BEGAIN: variants seen among roughly 807,000 people sequenced by gnomAD.
The protein encoded by BEGAIN is brain enriched guanylate kinase associated, also known as brain-enriched guanylate kinase-associated protein.
In BEGAIN, 19 loss-of-function variants were observed where a neutral mutation model predicts 35.8. That is an observed-to-expected ratio of 0.53 (90% CI 0.37 to 0.78). The LOEUF is 0.78. Ranked by LOEUF, BEGAIN falls within the 30% of genes least tolerant of loss-of-function variation. BEGAIN has a pLI of 0.00. For synonymous variants in BEGAIN, 462 were observed against 388.6 expected, an observed-to-expected ratio of 1.19 and a Z score of -2.22; for missense variants, 795 against 853.6, an observed-to-expected ratio of 0.93 and a Z score of 0.85.
chr14:100,549,612 T>G (rs1270474795), intron 2 of BEGAIN: 3 of 152,314 alleles, frequency 2.0e-5, no homozygotes, highest in Non-Finnish European at 4.4e-5. Flanking sequence ...ACCCGAGCCC[T>G]GCCACGGCAG....
intron 1 of BEGAIN, among the ~76,000 whole-genome samples, chr14:100,579,813 C>T (rs1320768375): frequency 6.6e-6 from 1 of 152,192 alleles, no homozygotes; most frequent in Non-Finnish European, 1.5e-5. Flanking sequence ...TTCCCTGTCC[C>T]CGCCCCTGGC....
chr14:100,578,856 C>CT (rs529546763), intron 1 of BEGAIN, among the ~76,000 whole-genome samples: 5,194 of 126,956 alleles, frequency 0.041, 426 homozygotes, highest in African/African-American at 0.14. Flanking sequence ...GCCTCTGGTA[C>CT]TTTTTTTTTT....
At chr14:100,540,806 C>T (rs1041094656) in intron 5 of BEGAIN, among the ~76,000 whole-genome samples, 2 of 152,208 alleles carry the variant, frequency 1.3e-5, no homozygotes, top group South Asian at 4.1e-4. Flanking sequence ...AGGGCCCTGC[C>T]GCTGCCCTAG....
intron 1 of BEGAIN, among the ~76,000 whole-genome samples, chr14:100,582,084 G>A (rs117950145): frequency 0.021 from 3,170 of 152,308 alleles, 51 homozygotes; most frequent in African/African-American, 0.026. Context: ...GCAGAGGTGT[G>A]GTCACCTTCA....
chr14:100,584,579 ATCATTCAT>A (rs968465411), intron 1 of BEGAIN, among the ~76,000 whole-genome samples: 2 of 152,184 alleles, frequency 1.3e-5, no homozygotes, highest in African/African-American at 4.8e-5. Context: ...TTAGTCATTC[ATCATTCAT>A]TCATTCATTC....
rs974109781 is a variant in BEGAIN at position 100,573,102 on chromosome 14, A to C, written c.43-5163T>G. Among the ~76,000 whole-genome samples, 19 of 151,556 alleles carry C rather than the reference A, an allele frequency of 1.3e-4. No homozygotes were observed. Among genetic ancestry groups the C allele is most frequent in the Non-Finnish European group, 2.8e-4 (19 of 67,908 alleles). On this transcript the variant is annotated intron_variant, in intron 1 of 6. Transcript: ENST00000554140. The surrounding 1 kb of genome is among the most constrained non-coding windows in gnomAD (Gnocchi z 4.2). The stretch of plus-strand genomic sequence containing the variant: ...GCAGGAAAGGGGTGCAGTGATGAAC[A>C]CAGAGGCCCGGATGAAGTGAGCTGA...
chr14:100,542,141 C>T (rs1273877223), intron 5 of BEGAIN, among the ~76,000 whole-genome samples: 1 of 152,090 alleles, frequency 6.6e-6, no homozygotes, highest in Non-Finnish European at 1.5e-5. Context: ...CTCCTGTCCT[C>T]CTGTTAGAGC....
intron 1 of BEGAIN, among the ~76,000 whole-genome samples, chr14:100,583,028 G>A (rs766142078): frequency 5.4e-5 from 8 of 149,326 alleles, no homozygotes; most frequent in Non-Finnish European, 4.4e-5. Flanking sequence ...CCCTGTGACC[G>A]CTCACCCATT....
At chr14:100,575,054 C>T (rs1484962108) in intron 1 of BEGAIN, among the ~76,000 whole-genome samples, 1 of 152,178 alleles carries the variant, frequency 6.6e-6, no homozygotes, top group Non-Finnish European at 1.5e-5. Flanking sequence ...AAGAGGAGGA[C>T]CAGAGACTCA....
chr14:100,555,025 A>G (rs2033572765), intron 2 of BEGAIN, among the ~76,000 whole-genome samples: 2 of 152,226 alleles, frequency 1.3e-5, no homozygotes, highest in Non-Finnish European at 2.9e-5. Context: ...CAGTGAATTG[A>G]TATCAGCCCT....
At position 100,538,298 on chromosome 14, in the gene BEGAIN, C is replaced by T. The variant is rs1370224638; in HGVS notation, c.1510G>A (p.Gly504Ser). 6.5e-7 allele frequency: 1 copy of T among 1,546,706 alleles called. No individual in the cohort carries two copies. Among genetic ancestry groups the T allele is most frequent in the Admixed American group, 2.0e-5 (1 of 51,018 alleles). ...AGGAAGCAGGGCTCTGCCAGGTGGC[C>T]CTGGGAGAGGTCGTCCCCCTCGGAG... is the stretch of plus-strand genomic sequence containing the variant. ...SFSEGDDLSQ[G>S]HLAEPCFLRA... Residue 504 changes from glycine (G) to serine (S), a missense_variant, in exon 7 of 7, where the codon GGC becomes AGC. Around this residue, in one of 3 missense-constraint regions of BEGAIN, gnomAD observed 664 missense variants for 647.7 expected, o/e 1.03. Coordinates refer to ENST00000554140, the MANE Select transcript of BEGAIN (RefSeq NM_001385089.1).
chr14:100,543,973 TG>T lies in BEGAIN; in HGVS notation c.301-9del. On this transcript the variant is annotated splice_polypyrimidine_tract_variant and intron_variant, in intron 4 of 6. Coordinates refer to ENST00000554140, the MANE Select transcript of BEGAIN (RefSeq NM_001385089.1). ...CTCCTCATAGTGCTGGCCCTGGGGGTGGGACAGTGGGAGGAGGAGGCCCGTG... is the reference window on the plus strand; with the variant it reads ...CTCCTCATAGTGCTGGCCCTGGGGGTGGACAGTGGGAGGAGGAGGCCCGTG... The T allele has an allele frequency of 6.3e-7, 1 of 1,598,542 alleles. No individual in the cohort carries two copies.
intron 1 of BEGAIN, among the ~76,000 whole-genome samples, chr14:100,584,058 A>G (rs1344733998): frequency 6.6e-6 from 1 of 152,022 alleles, no homozygotes; most frequent in Non-Finnish European, 1.5e-5. Context: ...CTTCCCTTCC[A>G]TACAGTATCA....
chr14:100,544,867 G>A (rs996648296), intron 4 of BEGAIN, 133 bp downstream of exon 4: 1 of 915,256 alleles, frequency 1.1e-6, no homozygotes, highest in Admixed American at 1.8e-5. Context: ...TGCTCCACAT[G>A]TTCCATGGAG....
At chr14:100,551,045 G>C (rs1362296042) in intron 2 of BEGAIN, among the ~76,000 whole-genome samples, 1 of 152,204 alleles carries the variant, frequency 6.6e-6, no homozygotes, top group East Asian at 1.9e-4. Flanking sequence ...GGTTCCTGGC[G>C]TGCAGGATTG....
intron 5 of BEGAIN, among the ~76,000 whole-genome samples, chr14:100,542,958 A>G (rs563603861): frequency 2.6e-5 from 4 of 152,262 alleles, no homozygotes; most frequent in East Asian, 1.9e-4. Flanking sequence ...ATTGCCTCCT[A>G]TGGTCTTTCT....
rs2031044222 is a variant in BEGAIN, at chr14:100,538,778, T to C, written c.1030A>G (p.Ile344Val). The change falls in exon 7 of 7, where the codon ATC becomes GTC. Residue 344 changes from isoleucine to valine, a missense_variant. Ile to Val is a conservative substitution (Grantham distance 29). Transcript: ENST00000554140. ...ASTLTASQQA[I>V]YLNSRDELFD... is the part of the protein sequence containing the mutation. ...AGCTCGTCGCGGCTGTTCAGGTAGATGGCCTGCTGCGACGCGGTCAGCGTG... is the reference window on the plus strand; with the variant it reads ...AGCTCGTCGCGGCTGTTCAGGTAGACGGCCTGCTGCGACGCGGTCAGCGTG... 6.3e-7 allele frequency: 1 copy of C among 1,591,892 alleles called. No homozygotes were observed. Among genetic ancestry groups the C allele is most frequent in the Non-Finnish European group, 8.5e-7 (1 of 1,170,840 alleles).
intron 6 of BEGAIN, among the ~76,000 whole-genome samples, chr14:100,539,780 G>C (rs73351095): frequency 0.046 from 7,022 of 152,200 alleles, 552 homozygotes; most frequent in African/African-American, 0.16. Flanking sequence ...CTGCTGGAGC[G>C]CTCCTGAAGA....
At position 100,568,322 on chromosome 14, in the gene BEGAIN, C is replaced by CG; in HGVS notation, c.43-384dup. On this transcript the variant is annotated intron_variant, in intron 1 of 6. Transcript: ENST00000554140. This position sits in a 1 kb window ranked among gnomAD's most constrained non-coding sequence, Gnocchi z 7.5. The stretch of plus-strand genomic sequence containing the variant: ...GCCCCGCTGCTCCCCCCGCCCCGCC[C>CG]GTTAACCCTTCCTGCCCCGCGCTCC... 4.0e-6 allele frequency: 3 copies of CG among 759,366 alleles called. No individual in the cohort carries two copies. The highest frequency in any genetic ancestry group is 1.6e-5 in the South Asian group (1 of 61,402). 47.0% of individuals were successfully genotyped at this position (759,366 alleles called of 1,614,324 possible).
Sources: gnomAD v4.1 joint callset for allele counts (sites outside exome capture counted in the v4.1 genomes callset) on GRCh38, gnomAD v4.1.1 for gene constraint, gnomAD v4.1.1 regional missense constraint, Gnocchi (gnomAD v3.1) non-coding constraint, MANE v1.5 for transcripts, NCBI Gene and HGNC (gene_info 2026-07-23, HGNC 2026-07-21) for gene names.